The following ASTN2 variants were observed in gnomAD, a reference collection of about 807,000 sequenced individuals.
The protein encoded by ASTN2 is astrotactin 2.
A neutral mutation model predicts 139.8 loss-of-function variants in ASTN2; 54 were observed. The observed-to-expected ratio is 0.39, with a 90% CI of 0.31 to 0.48. ASTN2 has a LOEUF of 0.48. ASTN2 is among the 20% of genes least tolerant of loss of function. ASTN2 has a pLI of 0.95. For missense variants in ASTN2, 1,565 were observed against 1,725.1 expected, an observed-to-expected ratio of 0.91 and a Z score of 1.64; for synonymous variants, 756 against 719.5, an observed-to-expected ratio of 1.05 and a Z score of -0.81.
intron 1 of ASTN2, among the ~76,000 whole-genome samples, chr9:117,335,708 T>C (rs1299476481): frequency 6.6e-6 from 1 of 151,902 alleles, no homozygotes; most frequent in African/African-American, 2.4e-5. Flanking sequence ...AATGAAGCCA[T>C]AAAATCCTAG....
intron 11 of ASTN2, among the ~76,000 whole-genome samples, chr9:116,826,812 A>G (rs527978952): frequency 6.6e-6 from 1 of 152,296 alleles, no homozygotes; most frequent in African/African-American, 2.4e-5. Flanking sequence ...TGCCACTATC[A>G]GGTGTGAAGA....
intron 1 of ASTN2, among the ~76,000 whole-genome samples, chr9:117,336,757 G>C (rs1223999055): frequency 6.6e-6 from 1 of 152,050 alleles, no homozygotes; most frequent in Non-Finnish European, 1.5e-5. Context: ...TGATTCCTCA[G>C]ACTTCCCATA....
At chr9:117,048,119 A>G (rs1244956359) in intron 5 of ASTN2, among the ~76,000 whole-genome samples, 5 of 152,132 alleles carry the variant, frequency 3.3e-5, no homozygotes, top group African/African-American at 1.2e-4. Flanking sequence ...ATCCTTCACA[A>G]TATCTCTATC....
intron 1 of ASTN2, among the ~76,000 whole-genome samples, chr9:117,376,732 G>A (rs950608940): frequency 6.6e-6 from 1 of 152,108 alleles, no homozygotes; most frequent in Non-Finnish European, 1.5e-5. Context: ...CTGGAAAATC[G>A]GGGCTATGAT....
At chr9:117,196,576 G>A (rs550281100) in intron 3 of ASTN2, among the ~76,000 whole-genome samples, 1 of 152,126 alleles carries the variant, frequency 6.6e-6, no homozygotes, top group East Asian at 1.9e-4. Context: ...TATCACTGTC[G>A]GCCATTGCTG....
At chr9:116,606,733 T>C (rs1481634117) in intron 19 of ASTN2, among the ~76,000 whole-genome samples, 1 of 152,146 alleles carries the variant, frequency 6.6e-6, no homozygotes. Flanking sequence ...AAGAAAGTAT[T>C]AGTACCTACT....
intron 13 of ASTN2, among the ~76,000 whole-genome samples, chr9:116,760,791 G>A (rs1384043763): frequency 6.6e-6 from 1 of 152,108 alleles, no homozygotes; most frequent in Non-Finnish European, 1.5e-5. Flanking sequence ...GTGCCACCCT[G>A]ATTAACTGGG....
At chr9:117,263,929 G>A (rs531064214) in intron 2 of ASTN2, among the ~76,000 whole-genome samples, 36 of 152,202 alleles carry the variant, frequency 2.4e-4, no homozygotes, top group South Asian at 8.3e-4. Context: ...CACATTGGGA[G>A]GCTGAGACAG....
chr9:116,989,247 C>T (rs1836774702), intron 7 of ASTN2, among the ~76,000 whole-genome samples: 1 of 152,118 alleles, frequency 6.6e-6, no homozygotes, highest in Admixed American at 6.5e-5. Flanking sequence ...GTGCAATGGG[C>T]CATACCTGTG....
chr9:116,781,397 A>T (rs1246564996), intron 13 of ASTN2, among the ~76,000 whole-genome samples: 1 of 152,198 alleles, frequency 6.6e-6, no homozygotes, highest in African/African-American at 2.4e-5. Flanking sequence ...AGTTGAGGAC[A>T]CAAGTAGGCA....
At chr9:116,739,141 C>T (rs1045834036) in intron 13 of ASTN2, among the ~76,000 whole-genome samples, 1 of 152,154 alleles carries the variant, frequency 6.6e-6, no homozygotes, top group African/African-American at 2.4e-5. Flanking sequence ...TCTTGGGCCC[C>T]GGGGACTCTG....
intron 4 of ASTN2, among the ~76,000 whole-genome samples, chr9:117,100,452 T>C (rs1030221979): frequency 3.3e-5 from 5 of 152,254 alleles, no homozygotes; most frequent in African/African-American, 1.2e-4. Flanking sequence ...ATATGTTGCA[T>C]TTCACTCAGT....
At chr9:117,272,457 G>A (rs1389679694) in intron 2 of ASTN2, among the ~76,000 whole-genome samples, 3 of 152,192 alleles carry the variant, frequency 2.0e-5, no homozygotes, top group Non-Finnish European at 4.4e-5. Flanking sequence ...ATTAACACTA[G>A]GCTCTTTGCT....
At chr9:117,245,805 C>T (rs2133081966) in intron 2 of ASTN2, among the ~76,000 whole-genome samples, 1 of 152,284 alleles carries the variant, frequency 6.6e-6, no homozygotes, top group Admixed American at 6.5e-5. Flanking sequence ...TAGCTAATTC[C>T]TTCCCATTCT....
At chr9:117,379,285 G>A (rs1587995828) in intron 1 of ASTN2, among the ~76,000 whole-genome samples, 2 of 152,164 alleles carry the variant, frequency 1.3e-5, no homozygotes, top group South Asian at 4.1e-4. Flanking sequence ...AGCGAAAAAG[G>A]CTTGTGAGGC....
At chr9:117,232,208 G>T (rs1832914169) in intron 2 of ASTN2, among the ~76,000 whole-genome samples, 2 of 152,278 alleles carry the variant, frequency 1.3e-5, no homozygotes, top group African/African-American at 4.8e-5. Context: ...TGAGTGTATT[G>T]TCTTGTTTTG....
At chr9:116,623,165 G>C (rs1210709955) in intron 17 of ASTN2, among the ~76,000 whole-genome samples, 3 of 75,794 alleles carry the variant, frequency 4.0e-5, no homozygotes, top group African/African-American at 1.1e-4. Context: ...GTGTGTGTGT[G>C]TGTGTGTGTG....
At chr9:116,550,385 G>A (rs1193672948) in intron 19 of ASTN2, among the ~76,000 whole-genome samples, 1 of 152,166 alleles carries the variant, frequency 6.6e-6, no homozygotes, top group Non-Finnish European at 1.5e-5. Flanking sequence ...AATACAGGAG[G>A]AGTATCTGGA....
chr9:116,778,440 G>A (rs1830138238), intron 13 of ASTN2, among the ~76,000 whole-genome samples: 1 of 151,762 alleles, frequency 6.6e-6, no homozygotes, highest in Non-Finnish European at 1.5e-5. Flanking sequence ...AGGTATCAGT[G>A]TGCTTATTAT....
Sources: allele counts gnomAD v4.1 joint callset (sites outside exome capture counted in the v4.1 genomes callset), GRCh38; gene constraint gnomAD v4.1.1; transcripts MANE v1.5; gene names NCBI Gene and HGNC (gene_info 2026-07-23, HGNC 2026-07-21).